NUGGC: variants seen among roughly 807,000 people sequenced by gnomAD.
The protein encoded by NUGGC is nuclear GTPase SLIP-GC.
In NUGGC, 58 loss-of-function variants were observed where a neutral mutation model predicts 92.6. The observed-to-expected ratio is 0.63, with a 90% CI of 0.51 to 0.78. The LOEUF (loss-of-function observed/expected upper bound fraction) is 0.78. NUGGC is among the 30% of genes least tolerant of loss of function. The probability of loss-of-function intolerance (pLI) is 0.00; values close to 1 mark genes in which losing one functional copy is unlikely to be tolerated. For missense variants in NUGGC, 925 were observed against 964.6 expected, an observed-to-expected ratio of 0.96 and a Z score of 0.54; for synonymous variants, 376 against 366.4, an observed-to-expected ratio of 1.03 and a Z score of -0.30.
intron 1 of NUGGC, among the ~76,000 whole-genome samples, chr8:28,077,541 T>C (rs986843208): frequency 6.6e-6 from 1 of 152,012 alleles, no homozygotes; most frequent in South Asian, 2.1e-4. Flanking sequence ...CACTCCAGCC[T>C]GGGTGACAGC....
At chr8:28,039,373 C>T (rs1809635841) in intron 13 of NUGGC, among the ~76,000 whole-genome samples, 1 of 152,070 alleles carries the variant, frequency 6.6e-6, no homozygotes, top group Non-Finnish European at 1.5e-5. Flanking sequence ...GCTGCGATTA[C>T]AGGTGTCACC....
intron 1 of NUGGC, among the ~76,000 whole-genome samples, chr8:28,078,341 A>G (rs1439975706): frequency 6.6e-6 from 1 of 152,226 alleles, no homozygotes; most frequent in East Asian, 1.9e-4. Flanking sequence ...GGCTAAGAGG[A>G]CAGAAGAAAA....
intron 12 of NUGGC, among the ~76,000 whole-genome samples, chr8:28,043,376 T>A (rs1172959112): frequency 6.6e-6 from 1 of 152,168 alleles, no homozygotes; most frequent in Non-Finnish European, 1.5e-5. Context: ...AACTCCAAAT[T>A]TTTGGTTTCA....
chr8:28,067,427 GT>G (rs1470997696), intron 6 of NUGGC, 86 bp downstream of exon 6: 1 of 826,226 alleles, frequency 1.2e-6, no homozygotes, highest in Non-Finnish European at 2.0e-6. Flanking sequence ...CACAAACACT[GT>G]ACCACAAGCC....
At chr8:28,047,401 G>GA (rs1809866783) in intron 11 of NUGGC, 106 bp downstream of exon 11, 2 of 673,434 alleles carry the variant, frequency 3.0e-6, no homozygotes, top group Non-Finnish European at 2.5e-6. Flanking sequence ...TGGCAAGCTG[G>GA]AAAAAAATTG....
At chr8:28,065,089 T>A (rs1007653293) in intron 6 of NUGGC, among the ~76,000 whole-genome samples, 1 of 151,422 alleles carries the variant, frequency 6.6e-6, no homozygotes, top group Admixed American at 6.6e-5. Context: ...GCAATGACTA[T>A]AGAAAATTAA....
At chr8:28,023,586 G>T in intron 18 of NUGGC, 124 bp from the exon 19 acceptor site, 1 of 939,776 alleles carries the variant, frequency 1.1e-6, no homozygotes, top group Non-Finnish European at 1.6e-6. Context: ...GGTGCTTACA[G>T]ATCAGACATC....
At chr8:28,027,261 C>T (rs1174314762) in intron 17 of NUGGC, among the ~76,000 whole-genome samples, 2 of 152,200 alleles carry the variant, frequency 1.3e-5, no homozygotes, top group Non-Finnish European at 2.9e-5. Context: ...TCTGTGGGCT[C>T]CCATCTGTAC....
At position 28,055,979 on chromosome 8, in the gene NUGGC, T is replaced by C; in HGVS notation, c.1192A>G (p.Lys398Glu). Reference sequence around the variant, plus strand: ...TATTAACTCACCTTCAGTTTTTCCTTGAGAATTCTAGTCCTTTGTAGTTTT... The same window carrying C: ...TATTAACTCACCTTCAGTTTTTCCTCGAGAATTCTAGTCCTTTGTAGTTTT... ...MIKLQRTRIL[K>E]EKLKRKLPAD... Residue 398 changes from lysine (K) to glutamate (E), a missense_variant, in exon 10 of 19, where the codon AAG becomes GAG. Lys to Glu is a moderately conservative substitution (Grantham distance 56, BLOSUM62 1). Coordinates refer to ENST00000413272, the MANE Select transcript of NUGGC (RefSeq NM_001010906.2). The C allele has an allele frequency of 1.9e-6, 3 of 1,538,804 alleles. No homozygotes were observed. Among genetic ancestry groups the C allele is most frequent in the East Asian group, 2.3e-5 (1 of 42,680 alleles).
Position 28,031,287 on chromosome 8 carries a change from C to T in NUGGC, c.1864G>A (p.Gly622Ser), listed in dbSNP as rs1417135307. Residue 622 changes from glycine (G) to serine (S), a missense_variant, in exon 15 of 19, where the codon GGC (glycine) becomes AGC (serine). Gly to Ser is a moderately conservative substitution (Grantham distance 56). Coordinates refer to ENST00000413272, the MANE Select transcript of NUGGC (RefSeq NM_001010906.2). ...EKMTEIGIRS[G>S]WKYDSCKKNF... The stretch of plus-strand genomic sequence containing the variant: ...TTTTTGCAGCTATCATATTTCCAGC[C>T]ACTTCTTATCCCAATTTCTGTCATT... The T allele has an allele frequency of 4.3e-6, 7 of 1,614,022 alleles. No homozygotes were observed. The highest frequency in any genetic ancestry group is 5.9e-6 in the Non-Finnish European group (7 of 1,179,876).
At chr8:28,023,971 C>T (rs77463509) in intron 18 of NUGGC, among the ~76,000 whole-genome samples, 2,295 of 152,246 alleles carry the variant, frequency 0.015, 71 homozygotes, top group African/African-American at 0.052. Context: ...AGTCTGGATG[C>T]CTCTGGGAGG....
chr8:28,032,058 C>A (rs1378466095), intron 14 of NUGGC, among the ~76,000 whole-genome samples: 1 of 152,198 alleles, frequency 6.6e-6, no homozygotes, highest in Admixed American at 6.5e-5. Context: ...CAGGTAGCTG[C>A]TCTCTCTTTG....
rs1810200148 is a variant in NUGGC, at chr8:28,058,255, T to TA, written c.1116+2dup. 2.0e-6 allele frequency: 1 copy of TA among 508,736 alleles called. No homozygotes were observed. The highest frequency in any genetic ancestry group is 3.1e-6 in the Non-Finnish European group (1 of 327,568). The allele number at this position is 508,736 out of a possible 1,614,324, so 31.5% of individuals were successfully genotyped here. A position where few individuals can be genotyped will look rare whatever the true frequency, so the allele number is the denominator to read the frequency against. On this transcript the variant is annotated splice_region_variant and intron_variant, in intron 9 of 18. Coordinates refer to ENST00000413272, the MANE Select transcript of NUGGC (RefSeq NM_001010906.2). ...AAAATAAAAAAAACTAGTTCATACT[T>TA]ACATTTCCTGCCTTTCTTTCCCTGA...
At chr8:28,052,709 T>C (rs1810037216) in intron 10 of NUGGC, among the ~76,000 whole-genome samples, 1 of 152,228 alleles carries the variant, frequency 6.6e-6, no homozygotes, top group Non-Finnish European at 1.5e-5. Flanking sequence ...GCTACCCAGC[T>C]GTGGTGCTTA....
Position 28,047,509 on chromosome 8 carries a change from G to C in NUGGC, c.1310C>G (p.Thr437Arg), listed in dbSNP as rs377530264. The C allele has an allele frequency of 4.6e-6, 7 of 1,532,800 alleles. No individual in the cohort carries two copies. The African/African-American group carries it at 6.9e-5, about 15-fold the overall frequency. 94.9% of individuals were successfully genotyped at this position (1,532,800 alleles called of 1,614,324 possible). A position where few individuals can be genotyped will look rare whatever the true frequency, so the allele number is the denominator to read the frequency against. Residue 437 changes from threonine to arginine, a missense_variant and splice_region_variant, in exon 11 of 19, where the codon ACG becomes AGG. Coordinates refer to ENST00000413272, the MANE Select transcript of NUGGC (RefSeq NM_001010906.2). Reference sequence around the variant, plus strand: ...GAGATTTAAAAAACATAAATTACCCGTTTCCTCCTCGGTGAGGAGAGCCTG... The same window carrying C: ...GAGATTTAAAAAACATAAATTACCCCTTTCCTCCTCGGTGAGGAGAGCCTG... ...WQQALLTEEE[T>R]EIPKLREYIR...
At chr8:28,044,195 C>T (rs189536698) in intron 12 of NUGGC, among the ~76,000 whole-genome samples, 2 of 152,302 alleles carry the variant, frequency 1.3e-5, no homozygotes, top group African/African-American at 4.8e-5. Context: ...TCCTCGACCA[C>T]TCACAAAGCC....
At chr8:28,024,950 C>A (rs1809219522) in intron 18 of NUGGC, among the ~76,000 whole-genome samples, 1 of 152,228 alleles carries the variant, frequency 6.6e-6, no homozygotes, top group South Asian at 2.1e-4. Context: ...CCCAGGGAGA[C>A]CTTCCTTTAC....
At chr8:28,045,722 C>A in intron 11 of NUGGC, 62 bp from the exon 12 acceptor site, 1 of 1,553,276 alleles carries the variant, frequency 6.4e-7, no homozygotes, top group South Asian at 1.2e-5. Context: ...CAATAGAATT[C>A]ATAAAAGTTG....
At chr8:28,067,471 G>T in intron 6 of NUGGC, 43 bp downstream of exon 6, 1 of 1,293,196 alleles carries the variant, frequency 7.7e-7, no homozygotes, top group Non-Finnish European at 1.1e-6. Context: ...TGTTAGACTT[G>T]AGACCCAGGA....
Sources: gnomAD v4.1 joint callset for allele counts (sites outside exome capture counted in the v4.1 genomes callset) on GRCh38, gnomAD v4.1.1 for gene constraint, MANE v1.5 for transcripts, NCBI Gene and HGNC (gene_info 2026-07-23, HGNC 2026-07-21) for gene names.